Variants in DSG1 observed in about 807,000 individuals in gnomAD.
The protein encoded by DSG1 is desmoglein-1.
Under a neutral mutation model 97.5 loss-of-function variants are expected in DSG1, and 39 were observed. That is an observed-to-expected ratio of 0.40 (90% confidence interval 0.31 to 0.52). The LOEUF (loss-of-function observed/expected upper bound fraction) is 0.52. Ranked by LOEUF, DSG1 falls within the 20% of genes least tolerant of loss-of-function variation. The probability of loss-of-function intolerance (pLI) is 0.53; values close to 1 mark genes in which losing one functional copy is unlikely to be tolerated. For synonymous variants in DSG1, 475 were observed against 443.4 expected, an observed-to-expected ratio of 1.07 and a Z score of -0.90; for missense variants, 1,311 against 1,295.4, an observed-to-expected ratio of 1.01 and a Z score of -0.18.
rs756245217 is a variant in DSG1 at position 31,354,765 on chromosome 18, C to G, written c.2569C>G (p.Arg857Gly). 6.2e-7 allele frequency: 1 copy of G among 1,614,160 alleles called. No individual in the cohort carries two copies. Among genetic ancestry groups the G allele is most frequent in the South Asian group, 1.1e-5 (1 of 91,076 alleles). ...GCCCTCTGTGCACGTTCACGATAAC[C>G]GACCAGCATCAAACGTGGTAGTGAC... ...LKPSVHVHDN[R>G]PASNVVVTER... Residue 857 changes from arginine to glycine, a missense_variant, in exon 15 of 15, where the codon CGA becomes GGA. Coordinates refer to ENST00000257192, the MANE Select transcript of DSG1 (RefSeq NM_001942.4).
chr18:31,334,083 G>A lies in DSG1; in HGVS notation c.886G>A (p.Asp296Asn). 6.2e-7 allele frequency: 1 copy of A among 1,610,858 alleles called. No homozygotes were observed. The highest frequency in any genetic ancestry group is 8.5e-7 in the Non-Finnish European group (1 of 1,177,308). ...NLLEIRVIDL[D>N]EEFSANWMAV... is the part of the protein sequence containing the mutation. ...GCTCGAGATTAGAGTAATTGATTTG[G>A]ATGAAGAGTTCTCAGCTAACTGGAT... is the stretch of plus-strand genomic sequence containing the variant. Residue 296 changes from aspartate (D) to asparagine (N), a missense_variant, in exon 8 of 15, where the codon GAT becomes AAT. By Grantham distance (23) the Asp-to-Asn change is conservative (BLOSUM62 1). Around this residue, in one of 3 missense-constraint regions of DSG1, gnomAD observed 1,038 missense variants for 964.6 expected, o/e 1.08. Coordinates refer to ENST00000257192, the MANE Select transcript of DSG1 (RefSeq NM_001942.4).
intron 14 of DSG1, chr18:31,347,784 G>C (rs1326791069): frequency 2.6e-5 from 4 of 152,008 alleles, no homozygotes; most frequent in Non-Finnish European, 5.9e-5. Context: ...AAGTCATGTT[G>C]CAATAAACCT....
In DSG1 at chr18:31,354,994, T is replaced by C; in HGVS notation, c.2798T>C (p.Met933Thr). 4 of 1,614,198 alleles carry C rather than the reference T, an allele frequency of 2.5e-6. No individual in the cohort carries two copies. Among genetic ancestry groups the C allele is most frequent in the Middle Eastern group, 1.6e-4 (1 of 6,062 alleles). ...AGAGTAATCCAACCAACTTCCGGCA[T>C]GATAGGTAGTCTGAGTATGCACCCC... ...TERVIQPTSG[M>T]IGSLSMHPEL... Residue 933 changes from methionine (M) to threonine (T), a missense_variant, in exon 15 of 15, where the codon ATG (methionine) becomes ACG (threonine). Met to Thr is a moderately conservative substitution (Grantham distance 81). Coordinates refer to ENST00000257192, the MANE Select transcript of DSG1 (RefSeq NM_001942.4).
chr18:31,330,664 T>TA (rs1298720355), intron 5 of DSG1, among the ~76,000 whole-genome samples: 1 of 152,148 alleles, frequency 6.6e-6, no homozygotes, highest in African/African-American at 2.4e-5. Flanking sequence ...TCTTCAGAGG[T>TA]ATGCACTGTG....
intron 1 of DSG1, among the ~76,000 whole-genome samples, chr18:31,320,351 C>G (rs2071645803): frequency 6.6e-6 from 1 of 152,176 alleles, no homozygotes; most frequent in South Asian, 2.1e-4. Flanking sequence ...TAAGCGGGAA[C>G]CTGCATTAGG....
intron 14 of DSG1, among the ~76,000 whole-genome samples, chr18:31,353,627 G>A (rs1453855930): frequency 1.1e-4 from 16 of 152,078 alleles, no homozygotes; most frequent in East Asian, 3.9e-4. Context: ...GCGAGACTCC[G>A]TGGGCGTAGG....
intron 6 of DSG1, among the ~76,000 whole-genome samples, chr18:31,332,311 A>G (rs1428014896): frequency 6.6e-6 from 1 of 152,096 alleles, no homozygotes; most frequent in African/African-American, 2.4e-5. Context: ...TCTTTAACCT[A>G]GCATATCTAA....
intron 14 of DSG1, among the ~76,000 whole-genome samples, chr18:31,352,709 T>C (rs1479653746): frequency 1.3e-5 from 2 of 149,618 alleles, no homozygotes; most frequent in South Asian, 2.1e-4. Flanking sequence ...TCTCGCTTCA[T>C]TTCATTCATT....
intron 13 of DSG1, 131 bp from the exon 14 acceptor site, chr18:31,345,859 G>C: frequency 1.5e-6 from 1 of 678,420 alleles, no homozygotes; most frequent in Non-Finnish European, 2.6e-6. Context: ...CTTTCTTTAT[G>C]TATTATCTTT....
At position 31,355,012 on chromosome 18, in the gene DSG1, T is replaced by G. The variant is rs1309491645; in HGVS notation, c.2816T>G (p.Met939Arg). ...PTSGMIGSLS[M>R]HPELANAHNV... ...TCCGGCATGATAGGTAGTCTGAGTA[T>G]GCACCCCGAGTTAGCCAATGCCCAC... The change falls in exon 15 of 15, where the codon ATG becomes AGG. Residue 939 changes from methionine to arginine, a missense_variant. Physicochemically the swap from Met to Arg is moderately conservative, Grantham distance 91. Coordinates refer to ENST00000257192, the MANE Select transcript of DSG1 (RefSeq NM_001942.4). The G allele has an allele frequency of 6.2e-7, 1 of 1,614,220 alleles. No individual in the cohort carries two copies. Among genetic ancestry groups the G allele is most frequent in the Non-Finnish European group, 8.5e-7 (1 of 1,180,034 alleles).
chr18:31,341,926 T>TTGTTTTTC (rs2071791574), intron 11 of DSG1, among the ~76,000 whole-genome samples: 1 of 118,144 alleles, frequency 8.5e-6, no homozygotes, highest in South Asian at 3.1e-4. Context: ...TTTTGTTCTT[T>TTGTTTTTC]TGTTTTTTTG....
At chr18:31,329,699 C>T (rs1056043231) in intron 4 of DSG1, among the ~76,000 whole-genome samples, 193 bp from the exon 5 acceptor site, 2 of 151,704 alleles carry the variant, frequency 1.3e-5, no homozygotes, top group South Asian at 4.2e-4. Flanking sequence ...ATAATATAAA[C>T]CCCCATGTAG....
rs1337588263 is a variant in DSG1, at chr18:31,350,619, G to C, written c.2101-3678G>C. Reference sequence around the variant, plus strand: ...GTCCTGGACTCTTTTTGATTGGTAAGCTATTGATTATTGCCACAATTTCAG... The same window carrying C: ...GTCCTGGACTCTTTTTGATTGGTAACCTATTGATTATTGCCACAATTTCAG... On this transcript the variant is annotated intron_variant, in intron 14 of 14. Transcript: ENST00000257192. Among the ~76,000 whole-genome samples, 9 of 147,652 alleles carry C rather than the reference G, an allele frequency of 6.1e-5. No individual in the cohort carries two copies. The East Asian group carries it at 1.8e-3, about 29-fold the overall frequency.
rs1310510413 is a variant in DSG1 at position 31,333,823 on chromosome 18, A to G, written c.819+100A>G. 4.2e-6 allele frequency: 6 copies of G among 1,426,660 alleles called. No individual in the cohort carries two copies. In the East Asian group the frequency reaches 6.9e-5, roughly 16 times the overall value. 88.4% of individuals were successfully genotyped at this position (1,426,660 alleles called of 1,614,324 possible). A position where few individuals can be genotyped will look rare whatever the true frequency, so the allele number is the denominator to read the frequency against. ...AGAGGCACATGTTATGTTTATTGACATACAACCCAAATGTAGACACATACT... is the reference window on the plus strand; with the variant it reads ...AGAGGCACATGTTATGTTTATTGACGTACAACCCAAATGTAGACACATACT... On this transcript the variant is annotated intron_variant, in intron 7 of 14. Coordinates refer to ENST00000257192, the MANE Select transcript of DSG1 (RefSeq NM_001942.4).
chr18:31,343,826 A>G, intron 12 of DSG1, 100 bp from the exon 13 acceptor site: 1 of 1,141,010 alleles, frequency 8.8e-7, no homozygotes, highest in Non-Finnish European at 1.3e-6. Context: ...TTTTTTTTTT[A>G]GGAAATCTGA....
At chr18:31,332,061 T>C (rs2071724811) in intron 6 of DSG1, among the ~76,000 whole-genome samples, 194 bp downstream of exon 6, 1 of 152,124 alleles carries the variant, frequency 6.6e-6, no homozygotes, top group Non-Finnish European at 1.5e-5. Context: ...TTTTGTACTA[T>C]TTTTCATATA....
At position 31,327,472 on chromosome 18, in the gene DSG1, A is replaced by T. The variant is rs1163332624; in HGVS notation, c.216+467A>T. 2.0e-5 allele frequency among the ~76,000 whole-genome samples: 3 copies of T among 152,086 alleles called. No individual in the cohort carries two copies. In the East Asian group the frequency reaches 5.8e-4, roughly 29 times the overall value. ...TTTCTACATACACACACACTCAGAA[A>T]CACCCCCCACAAATTCATGAACATA... is the stretch of plus-strand genomic sequence containing the variant. On this transcript the variant is annotated intron_variant, in intron 3 of 14. Transcript: ENST00000257192.
chr18:31,335,884 G>A (rs972245081), intron 8 of DSG1, among the ~76,000 whole-genome samples: 2 of 150,942 alleles, frequency 1.3e-5, no homozygotes, highest in African/African-American at 4.9e-5. Context: ...TTTATTCAAA[G>A]AGTCACACTT....
At chr18:31,333,547 G>C in intron 6 of DSG1, 42 bp from the exon 7 acceptor site, 3 of 1,613,134 alleles carry the variant, frequency 1.9e-6, no homozygotes, top group Non-Finnish European at 2.5e-6. Flanking sequence ...AGTAAAGGCT[G>C]TCTACGTCAA....
Sources: allele counts gnomAD v4.1 joint callset (sites outside exome capture counted in the v4.1 genomes callset), GRCh38; gene constraint gnomAD v4.1.1; regional missense constraint gnomAD v4.1.1; transcripts MANE v1.5; gene names NCBI Gene and HGNC (gene_info 2026-07-23, HGNC 2026-07-21).